PPP1R9A: variants seen among roughly 807,000 people sequenced by gnomAD.
The protein encoded by PPP1R9A is protein phosphatase 1 regulatory subunit 9A.
A neutral mutation model predicts 141.9 loss-of-function variants in PPP1R9A; 59 were observed. The observed-to-expected ratio is 0.42, with a 90% CI of 0.34 to 0.52. PPP1R9A has a LOEUF of 0.52. Ranked by LOEUF, PPP1R9A falls within the 20% of genes least tolerant of loss-of-function variation. PPP1R9A has a pLI of 0.10. For missense variants in PPP1R9A, 1,444 were observed against 1,611.9 expected (o/e 0.90, Z 1.78); for synonymous variants, 500 against 569.7 (o/e 0.88, Z 1.74).
At chr7:95,117,369 A>G (rs1584777187) in intron 3 of PPP1R9A, among the ~76,000 whole-genome samples, 2 of 152,168 alleles carry the variant, frequency 1.3e-5, no homozygotes, top group South Asian at 2.1e-4. Context: ...ATGCTGGAGA[A>G]CATCAGTCTT....
intron 8 of PPP1R9A, among the ~76,000 whole-genome samples, chr7:95,233,823 A>T (rs1245965365): frequency 6.6e-6 from 1 of 152,214 alleles, no homozygotes; most frequent in Non-Finnish European, 1.5e-5. Flanking sequence ...CAAAAAGATA[A>T]CCTACCATGA....
At chr7:94,939,679 G>A (rs1795120576) in intron 2 of PPP1R9A, among the ~76,000 whole-genome samples, 1 of 151,734 alleles carries the variant, frequency 6.6e-6, no homozygotes, top group South Asian at 2.1e-4. Context: ...TATGTACTTA[G>A]CACTTAGTGA....
chr7:95,083,549 C>G (rs1361420930), intron 2 of PPP1R9A, among the ~76,000 whole-genome samples: 1 of 151,782 alleles, frequency 6.6e-6, no homozygotes, highest in Non-Finnish European at 1.5e-5. Context: ...AAAAGTGTAC[C>G]TTAACACTTC....
chr7:95,198,255 G>A (rs1420480829), intron 5 of PPP1R9A, 94 bp from the exon 6 acceptor site: 1 of 1,199,868 alleles, frequency 8.3e-7, no homozygotes, highest in East Asian at 2.7e-5. Flanking sequence ...CTTGAGGCTT[G>A]ATGGACCCTG....
At chr7:95,039,205 C>CT (rs1283743858) in intron 2 of PPP1R9A, among the ~76,000 whole-genome samples, 2 of 152,076 alleles carry the variant, frequency 1.3e-5, no homozygotes, top group Non-Finnish European at 2.9e-5. Context: ...ATTAAGGACT[C>CT]TAATTTAAGA....
chr7:95,273,046 A>C (rs1057243839), intron 14 of PPP1R9A, among the ~76,000 whole-genome samples: 1 of 152,158 alleles, frequency 6.6e-6, no homozygotes, highest in African/African-American at 2.4e-5. Flanking sequence ...GAGATGGAAC[A>C]AGTGCCACCA....
intron 2 of PPP1R9A, among the ~76,000 whole-genome samples, chr7:95,023,124 G>A (rs891916021): frequency 1.3e-5 from 2 of 152,008 alleles, no homozygotes; most frequent in African/African-American, 4.8e-5. Context: ...TTTTTTGGTT[G>A]GTAGGCTGTT....
intron 4 of PPP1R9A, among the ~76,000 whole-genome samples, chr7:95,161,338 G>A (rs1401466759): frequency 6.6e-6 from 1 of 152,098 alleles, no homozygotes; most frequent in African/African-American, 2.4e-5. Flanking sequence ...GGAAATGTCT[G>A]TTTGTGTCTT....
intron 2 of PPP1R9A, among the ~76,000 whole-genome samples, chr7:95,048,116 A>G (rs2151965149): frequency 6.6e-6 from 1 of 152,336 alleles, no homozygotes; most frequent in Admixed American, 6.5e-5. Flanking sequence ...AAATGGTAGT[A>G]CATAAAGTCC....
At position 95,250,050 on chromosome 7, in the gene PPP1R9A, G is replaced by A. The variant is rs748465439; in HGVS notation, c.2191G>A (p.Val731Met). The change falls in exon 10 of 20, where the codon GTG becomes ATG. Residue 731 changes from valine to methionine, a missense_variant. Around this residue, in one of 5 missense-constraint regions of PPP1R9A, gnomAD observed 488 missense variants for 542.0 expected, o/e 0.90. Coordinates refer to ENST00000433360, the MANE Select transcript of PPP1R9A (RefSeq NM_001166160.2). The part of the protein sequence containing the change: ...TKLQAAENEK[V>M]RWELEKTQLQ... ...GCTGCAGGCAGCAGAAAATGAGAAA[G>A]TGAGGTGGGAACTAGAAAAAACCCA... The A allele has an allele frequency of 2.5e-6, 4 of 1,607,662 alleles. No homozygotes were observed. The South Asian group carries it at 3.4e-5, about 14-fold the overall frequency.
At chr7:94,998,480 G>A (rs1802461674) in intron 2 of PPP1R9A, among the ~76,000 whole-genome samples, 2 of 152,088 alleles carry the variant, frequency 1.3e-5, no homozygotes, top group Admixed American at 6.6e-5. Context: ...CTAACTCAGT[G>A]TCTGATTTTT....
At chr7:95,286,144 C>T in intron 17 of PPP1R9A, 62 bp from the exon 18 acceptor site, 1 of 1,592,560 alleles carries the variant, frequency 6.3e-7, no homozygotes, top group Non-Finnish European at 8.6e-7. Flanking sequence ...AGCTTGTAGA[C>T]ACACCTACCT....
rs368588220 is a variant in PPP1R9A at position 95,215,324 on chromosome 7, G to A, written c.1957-10637G>A. On this transcript the variant is annotated intron_variant, in intron 7 of 19. Coordinates refer to ENST00000433360, the MANE Select transcript of PPP1R9A (RefSeq NM_001166160.2). The stretch of plus-strand genomic sequence containing the variant: ...GCTCATCCTTTTTTATGGCTGCATA[G>A]TATTCCATGGTGTATATGTGCCACA... Among the ~76,000 whole-genome samples, 6 of 152,146 alleles carry A rather than the reference G, an allele frequency of 3.9e-5. 1 individual carries two copies. The highest frequency in any genetic ancestry group is 3.9e-4 in the East Asian group (2 of 5,166).
intron 4 of PPP1R9A, among the ~76,000 whole-genome samples, chr7:95,152,459 T>G (rs1252439508): frequency 6.6e-6 from 1 of 152,176 alleles, no homozygotes; most frequent in East Asian, 1.9e-4. Context: ...TTTTAACCCA[T>G]TTACAGCTTC....
chr7:95,251,862 A>C lies in PPP1R9A; in HGVS notation c.2493+4A>C, dbSNP rs200530341. On this transcript the variant is annotated splice_donor_region_variant and intron_variant, in intron 11 of 19. Transcript: ENST00000433360. ...AGTGCAAGGCCTCCAAGTGCGGGTA[A>C]GTTGTGTTCCCTAAGACACTAAATA... The C allele has an allele frequency of 5.6e-3, 8,979 of 1,613,778 alleles. 31 individuals are homozygous for C. The highest frequency in any genetic ancestry group is 6.6e-3 in the Non-Finnish European group (7,829 of 1,179,852).
intron 12 of PPP1R9A, among the ~76,000 whole-genome samples, chr7:95,263,921 T>A (rs1367831386): frequency 6.6e-6 from 1 of 152,228 alleles, no homozygotes; most frequent in Non-Finnish European, 1.5e-5. Context: ...TATCTATTAA[T>A]GCATATATAA....
At chr7:95,021,700 T>G (rs1805987198) in intron 2 of PPP1R9A, among the ~76,000 whole-genome samples, 1 of 152,202 alleles carries the variant, frequency 6.6e-6, no homozygotes, top group Non-Finnish European at 1.5e-5. Flanking sequence ...CTAGCCAGTT[T>G]TCCCAACACC....
At chr7:95,182,326 G>A (rs1159929753) in intron 5 of PPP1R9A, among the ~76,000 whole-genome samples, 1 of 152,058 alleles carries the variant, frequency 6.6e-6, no homozygotes, top group African/African-American at 2.4e-5. Flanking sequence ...GCAACAGAAT[G>A]AGACCCTGTC....
At chr7:94,919,397 A>C (rs1283679618) in intron 2 of PPP1R9A, among the ~76,000 whole-genome samples, 1 of 140,468 alleles carries the variant, frequency 7.1e-6, no homozygotes, top group Non-Finnish European at 1.5e-5. Flanking sequence ...CTCTTGCCTC[A>C]CCCTCCCAAA....
Sources: gnomAD v4.1 joint callset for allele counts (sites outside exome capture counted in the v4.1 genomes callset) on GRCh38, gnomAD v4.1.1 for gene constraint, gnomAD v4.1.1 regional missense constraint, MANE v1.5 for transcripts, NCBI Gene and HGNC (gene_info 2026-07-23, HGNC 2026-07-21) for gene names.